Variants in TRA2A observed in about 807,000 individuals in gnomAD.
TRA2A encodes transformer 2 alpha homolog, also known as transformer-2 protein homolog alpha.
TRA2A carries 31 observed loss-of-function variants against 45.7 expected under a neutral mutation model. The ratio of observed to expected loss-of-function variants is 0.68; its 90% CI spans 0.51 to 0.92. TRA2A has a LOEUF of 0.92. Ranked by LOEUF, TRA2A falls within the 40% of genes least tolerant of loss-of-function variation. The pLI, the probability that TRA2A is intolerant of heterozygous loss-of-function variation, is 0.00. For missense variants in TRA2A, 304 were observed against 367.5 expected, an observed-to-expected ratio of 0.83 and a Z score of 1.41; for synonymous variants, 132 against 126.2, an observed-to-expected ratio of 1.05 and a Z score of -0.31.
intron 1 of TRA2A, among the ~76,000 whole-genome samples, chr7:23,526,747 T>C (rs1377319979): frequency 6.6e-6 from 1 of 152,212 alleles, no homozygotes; most frequent in Admixed American, 6.5e-5. Context: ...TCATATTAAA[T>C]TGAAATAATA....
At chr7:23,511,405 A>AAAAAAAAAAAAAAAAAAAAAAAAAAG (rs1789609808) in intron 4 of TRA2A, among the ~76,000 whole-genome samples, 4 of 44,350 alleles carry the variant, frequency 9.0e-5, no homozygotes, top group Admixed American at 2.4e-4. Context: ...AAAAAAAAAA[A>AAAAAAAAAAAAAAAAAAAAAAAAAAG]AAAAAGAAAA....
At chr7:23,505,602 AAAAAAAGTTAACAATT>A in intron 7 of TRA2A, 33 bp from the exon 8 acceptor site, 1 of 605,538 alleles carries the variant, frequency 1.7e-6, no homozygotes, top group East Asian at 3.0e-5. Context: ...AAAAAAAAAA[AAAAAAAGTTAACAATT>A]ATAGTTTAAT....
At chr7:23,530,106 T>C (rs2128001923) in intron 1 of TRA2A, among the ~76,000 whole-genome samples, 1 of 152,264 alleles carries the variant, frequency 6.6e-6, no homozygotes, top group South Asian at 2.1e-4. Flanking sequence ...TGAAGGAATG[T>C]ATGAATGGAC....
At chr7:23,507,097 A>G (rs192421053) in intron 5 of TRA2A, 3 of 248,062 alleles carry the variant, frequency 1.2e-5, no homozygotes, top group Non-Finnish European at 2.3e-5. Context: ...AGGGTTGTAT[A>G]TTTAAAAACA....
In TRA2A at chr7:23,512,795, AG is replaced by A. The variant is rs1789687762; in HGVS notation, c.525+98del. On this transcript the variant is annotated intron_variant, in intron 4 of 7. Coordinates refer to ENST00000297071, the MANE Select transcript of TRA2A (RefSeq NM_013293.5). ...CTTTAAAAAAAAAAAAAAGAAAAAAAGGAAGAAAAAAGGATGCAATGTTTAC... is the reference window on the plus strand; with the variant it reads ...CTTTAAAAAAAAAAAAAAGAAAAAAAGAAGAAAAAAGGATGCAATGTTTAC... 3.1e-6 allele frequency: 3 copies of A among 968,086 alleles called. No individual in the cohort carries two copies. In the East Asian group the frequency reaches 8.3e-5, roughly 27 times the overall value. The allele number at this position is 968,086 out of a possible 1,614,324, so 60.0% of individuals were successfully genotyped here. A position where few individuals can be genotyped will look rare whatever the true frequency, so the allele number is the denominator to read the frequency against.
At chr7:23,509,896 C>T (rs1414057576) in intron 4 of TRA2A, among the ~76,000 whole-genome samples, 1 of 150,666 alleles carries the variant, frequency 6.6e-6, no homozygotes, top group Admixed American at 6.6e-5. Flanking sequence ...CATGGTGGTG[C>T]GCACCTGTTG....
Position 23,521,851 on chromosome 7 carries a change from A to C in TRA2A, c.37-11T>G. Reference sequence around the variant, plus strand: ...CTGAGAGCGAGACTCCTAACAAAGAAGACAGTATTACAAATGGCACTGGTC... The same window carrying C: ...CTGAGAGCGAGACTCCTAACAAAGACGACAGTATTACAAATGGCACTGGTC... On this transcript the variant is annotated splice_polypyrimidine_tract_variant and intron_variant, in intron 1 of 7. Transcript: ENST00000297071. 1 of 1,614,164 alleles carries C rather than the reference A, an allele frequency of 6.2e-7. No individual in the cohort carries two copies. Among genetic ancestry groups the C allele is most frequent in the Non-Finnish European group, 8.5e-7 (1 of 1,180,032 alleles).
intron 5 of TRA2A, 188 bp downstream of exon 5, chr7:23,507,232 T>G: frequency 1.8e-6 from 1 of 550,350 alleles, no homozygotes; most frequent in Non-Finnish European, 3.2e-6. Flanking sequence ...CCCGAGCAGC[T>G]GGGATTACAG....
At chr7:23,508,923 G>A (rs1420817573) in intron 4 of TRA2A, among the ~76,000 whole-genome samples, 1 of 152,144 alleles carries the variant, frequency 6.6e-6, no homozygotes, top group African/African-American at 2.4e-5. Context: ...AATTCTTGAA[G>A]ATAAGAGTTG....
At chr7:23,513,155 A>G in intron 3 of TRA2A, 73 bp from the exon 4 acceptor site, 1 of 1,038,278 alleles carries the variant, frequency 9.6e-7, no homozygotes, top group Non-Finnish European at 1.4e-6. Flanking sequence ...TACTTTGTTT[A>G]GAACACCTCA....
intron 1 of TRA2A, chr7:23,522,176 T>G (rs1387223872): frequency 1.7e-6 from 2 of 1,150,480 alleles, no homozygotes; most frequent in Admixed American, 8.9e-5. Context: ...TCTACTTCAC[T>G]CTTGCTTTCT....
rs573036297 is a variant in TRA2A, at chr7:23,517,018, G to T, written c.171-490C>A. Among the ~76,000 whole-genome samples, 4 of 151,058 alleles carry T rather than the reference G, an allele frequency of 2.6e-5. No individual in the cohort carries two copies. The East Asian group carries it at 7.9e-4, about 30-fold the overall frequency. Reference sequence around the variant, plus strand: ...AGCTACTTGGGAGGCTGAGGCAGGAGAATCGCTTGAACCCAGGAGGCAGAG... The same window carrying T: ...AGCTACTTGGGAGGCTGAGGCAGGATAATCGCTTGAACCCAGGAGGCAGAG... On this transcript the variant is annotated intron_variant, in intron 2 of 7. Transcript: ENST00000297071.
intron 1 of TRA2A, among the ~76,000 whole-genome samples, chr7:23,528,566 T>C (rs79660708): frequency 0.017 from 2,618 of 152,248 alleles, 83 homozygotes; most frequent in African/African-American, 0.06. Flanking sequence ...ATCCCTATCA[T>C]TCTCAGATTT....
chr7:23,513,023 C>T lies in TRA2A; in HGVS notation c.396G>A (p.Glu132=). 6.2e-7 allele frequency: 1 copy of T among 1,614,122 alleles called. No individual in the cohort carries two copies. The highest frequency in any genetic ancestry group is 8.5e-7 in the Non-Finnish European group (1 of 1,180,000). The stretch of plus-strand genomic sequence containing the variant: ...GAGAAAATACTTCACGAAGATCCCT[C>T]TCTGTTGTGTACAAACTGAGGCCAA... ...GVFGLSLYTT[E]RDLREVFSRY... The change falls in exon 4 of 8, where the codon GAG becomes GAA. Residue 132 remains glutamate, a synonymous_variant. Coordinates refer to ENST00000297071, the MANE Select transcript of TRA2A (RefSeq NM_013293.5).
chr7:23,513,165 A>C, intron 3 of TRA2A, 83 bp from the exon 4 acceptor site: 4 of 887,198 alleles, frequency 4.5e-6, no homozygotes, highest in Non-Finnish European at 6.8e-6. Flanking sequence ...AGAACACCTC[A>C]TCTAATACAC....
rs1277526827 is a variant in TRA2A, at chr7:23,510,772, A to C, written c.525+2122T>G. 2.6e-5 allele frequency among the ~76,000 whole-genome samples: 4 copies of C among 152,194 alleles called. No homozygotes were observed. In the South Asian group the frequency reaches 8.3e-4, roughly 31 times the overall value. On this transcript the variant is annotated intron_variant, in intron 4 of 7. Transcript: ENST00000297071. Reference sequence around the variant, plus strand: ...ACTTTTACTTCAGCTCAGATATCCTAGTATTTCTAAATTGATAACATGTAT... The same window carrying C: ...ACTTTTACTTCAGCTCAGATATCCTCGTATTTCTAAATTGATAACATGTAT...
intron 3 of TRA2A, among the ~76,000 whole-genome samples, chr7:23,515,487 G>C (rs969900254): frequency 6.6e-6 from 1 of 151,644 alleles, no homozygotes; most frequent in African/African-American, 2.4e-5. Context: ...AAAGTGCTGG[G>C]ATTACAAGTG....
intron 1 of TRA2A, chr7:23,531,278 A>C: frequency 1.0e-6 from 1 of 988,148 alleles, no homozygotes; most frequent in Non-Finnish European, 1.2e-6. Context: ...TCACTGAAAT[A>C]GAGAGCCAAG....
intron 6 of TRA2A, 123 bp downstream of exon 6, chr7:23,506,015 C>T: frequency 4.4e-6 from 4 of 907,970 alleles, no homozygotes; most frequent in Non-Finnish European, 6.7e-6. Context: ...CTTCTGCTCC[C>T]AAAGGCGTCA....
Sources: gnomAD v4.1 joint callset for allele counts (sites outside exome capture counted in the v4.1 genomes callset) on GRCh38, gnomAD v4.1.1 for gene constraint, MANE v1.5 for transcripts, NCBI Gene and HGNC (gene_info 2026-07-23, HGNC 2026-07-21) for gene names.